The following RGS6 variants were observed in gnomAD, a reference collection of about 807,000 sequenced individuals.
RGS6 encodes the protein regulator of G-protein signaling 6.
Under a neutral mutation model 78.5 loss-of-function variants are expected in RGS6, and 30 were observed. The observed-to-expected ratio is 0.38, with a 90% confidence interval of 0.29 to 0.52. The LOEUF (loss-of-function observed/expected upper bound fraction) is 0.52. RGS6 is among the 20% of genes least tolerant of loss of function. The probability of loss-of-function intolerance (pLI) is 0.85; values close to 1 mark genes in which losing one functional copy is unlikely to be tolerated. For missense variants in RGS6, 495 were observed against 609.7 expected, an observed-to-expected ratio of 0.81 and a Z score of 1.98; for synonymous variants, 206 against 206.0, an observed-to-expected ratio of 1.00 and a Z score of 0.00.
intron 2 of RGS6, among the ~76,000 whole-genome samples, chr14:72,168,456 T>C (rs12885156): frequency 0.15 from 22,683 of 152,070 alleles, 1,886 homozygotes; most frequent in South Asian, 0.21. Context: ...GCACATTGGC[T>C]CCAGAGCACT....
At chr14:72,200,668 G>A (rs1452571125) in intron 2 of RGS6, among the ~76,000 whole-genome samples, 1 of 152,108 alleles carries the variant, frequency 6.6e-6, no homozygotes, top group Non-Finnish European at 1.5e-5. Context: ...TCATTCCTGG[G>A]TTGCTGTACA....
In RGS6 at chr14:72,439,271, C is replaced by T. The variant is rs142832033; in HGVS notation, c.185-15257C>T. ...TCATTCCCCACTTCAGCACAGAGAA[C>T]GATATGGGGCACAGTAGGAGCTCGA... On this transcript the variant is annotated intron_variant, in intron 3 of 17. Transcript: ENST00000553525. Among the ~76,000 whole-genome samples, 465 of 152,304 alleles carry T rather than the reference C, an allele frequency of 3.1e-3. 3 individuals are homozygous for T. Among genetic ancestry groups the T allele is most frequent in the Admixed American group, 7.2e-3 (110 of 15,302 alleles).
intron 2 of RGS6, among the ~76,000 whole-genome samples, chr14:72,191,754 C>A (rs533367205): frequency 6.6e-6 from 1 of 152,222 alleles, no homozygotes; most frequent in South Asian, 2.1e-4. Context: ...ACAAGCCAAA[C>A]TGTATCATGT....
chr14:72,540,490 G>GA (rs113373446), intron 17 of RGS6: 47,975 of 1,327,240 alleles, frequency 0.036, 7 homozygotes, highest in South Asian at 0.04. Flanking sequence ...ATAGCTCATC[G>GA]AAAAAAAAAA....
At chr14:72,493,293 A>T in intron 12 of RGS6, among the ~76,000 whole-genome samples, 1 of 152,230 alleles carries the variant, frequency 6.6e-6, no homozygotes, top group Non-Finnish European at 1.5e-5. Flanking sequence ...AAAAGTATAG[A>T]ACTCATATTA....
chr14:72,438,072 A>G (rs2095022869), intron 3 of RGS6, among the ~76,000 whole-genome samples: 1 of 152,178 alleles, frequency 6.6e-6, no homozygotes, highest in African/African-American at 2.4e-5. Context: ...GGGGGTGGAA[A>G]TAACAGACAG....
intron 2 of RGS6, among the ~76,000 whole-genome samples, chr14:72,320,156 C>A (rs185014904): frequency 1.6e-3 from 246 of 152,276 alleles, no homozygotes; most frequent in African/African-American, 5.6e-3. Context: ...CCCATGAAGC[C>A]CTCAGTGAAA....
intron 2 of RGS6, among the ~76,000 whole-genome samples, chr14:72,098,788 TCTC>T (rs964129631): frequency 3.3e-5 from 5 of 152,210 alleles, no homozygotes; most frequent in African/African-American, 1.2e-4. Flanking sequence ...TACTGCATGT[TCTC>T]CTCTTTCATT....
At chr14:72,474,211 C>A (rs1319770557) in intron 9 of RGS6, 1 of 154,830 alleles carries the variant, frequency 6.5e-6, no homozygotes, top group Non-Finnish European at 1.4e-5. Flanking sequence ...TTGCATTTTC[C>A]TCATGAAATG....
intron 2 of RGS6, among the ~76,000 whole-genome samples, chr14:72,306,504 G>A (rs2067274197): frequency 6.6e-6 from 1 of 152,194 alleles, no homozygotes; most frequent in Admixed American, 6.5e-5. Context: ...CTCCTGGAAA[G>A]GATTAACAGT....
At chr14:72,228,698 G>T (rs847311) in intron 2 of RGS6, among the ~76,000 whole-genome samples, 33,892 of 152,132 alleles carry the variant, frequency 0.22, 4,719 homozygotes, top group Non-Finnish European at 0.3. Context: ...GCAGGTTAGG[G>T]ACTGAGCAAA....
intron 2 of RGS6, among the ~76,000 whole-genome samples, chr14:72,183,781 T>C (rs1320569767): frequency 1.3e-5 from 2 of 152,186 alleles, no homozygotes; most frequent in African/African-American, 4.8e-5. Context: ...AAGGAATTCT[T>C]TTTCCTTCTG....
At chr14:72,041,467 G>A (rs114797142) in intron 2 of RGS6, among the ~76,000 whole-genome samples, 335 of 152,300 alleles carry the variant, frequency 2.2e-3, no homozygotes, top group African/African-American at 7.5e-3. Flanking sequence ...GATGTCCAAA[G>A]TATACCAGTT....
At chr14:71,917,399 G>A in the RGS6 span, among the ~76,000 whole-genome samples, 1 of 152,188 alleles carries the variant, frequency 6.6e-6, no homozygotes, top group African/African-American at 2.4e-5. Flanking sequence ...ACATAAAGCA[G>A]TTGGGTAGGG....
At chr14:71,876,791 T>C in the RGS6 span, among the ~76,000 whole-genome samples, 64,990 of 151,830 alleles carry the variant, frequency 0.43, 14,453 homozygotes, top group African/African-American at 0.53. Context: ...TACAATTTGG[T>C]ATGTTTTTGC....
At chr14:72,011,475 G>A (rs2085698368) in intron 2 of RGS6, among the ~76,000 whole-genome samples, 1 of 151,976 alleles carries the variant, frequency 6.6e-6, no homozygotes, top group Non-Finnish European at 1.5e-5. Flanking sequence ...CCTTGAATTA[G>A]GTTCTATGAG....
At chr14:71,936,347 C>G (rs766360375) in intron 1 of RGS6, among the ~76,000 whole-genome samples, 1 of 151,958 alleles carries the variant, frequency 6.6e-6, no homozygotes. Flanking sequence ...CCTTTATATT[C>G]GCTGGAAGCT....
At chr14:72,509,402 G>A (rs1215167657) in intron 13 of RGS6, among the ~76,000 whole-genome samples, 2 of 151,378 alleles carry the variant, frequency 1.3e-5, no homozygotes, top group Admixed American at 6.6e-5. Flanking sequence ...GCCCTCTGGA[G>A]CCTTGCTGTC....
intron 2 of RGS6, among the ~76,000 whole-genome samples, chr14:72,131,829 T>C (rs947672078): frequency 6.6e-6 from 1 of 152,230 alleles, no homozygotes; most frequent in African/African-American, 2.4e-5. Flanking sequence ...ATCTGTTCAA[T>C]AGATTTGAGA....
Sources: gnomAD v4.1 joint callset for allele counts (sites outside exome capture counted in the v4.1 genomes callset) on GRCh38, gnomAD v4.1.1 for gene constraint, MANE v1.5 for transcripts, NCBI Gene and HGNC (gene_info 2026-07-23, HGNC 2026-07-21) for gene names.